The following FMNL2 variants were observed in gnomAD, a reference collection of about 807,000 sequenced individuals.
FMNL2 encodes the protein formin like 2, also known as formin-like protein 2.
A neutral mutation model predicts 130.2 loss-of-function variants in FMNL2; 51 were observed. That is an observed-to-expected ratio of 0.39 (90% CI 0.31 to 0.49). The LOEUF (loss-of-function observed/expected upper bound fraction) is 0.49, where lower values mean the gene tolerates loss of function less well. FMNL2 is among the 20% of genes least tolerant of loss of function. The pLI is 0.85. For synonymous variants in FMNL2, 465 were observed against 467.1 expected (o/e 1.00, Z 0.06); for missense variants, 977 against 1,316.2 (o/e 0.74, Z 3.99).
intron 1 of FMNL2, among the ~76,000 whole-genome samples, chr2:152,464,494 C>A (rs1403646878): frequency 6.6e-6 from 1 of 152,160 alleles, no homozygotes; most frequent in African/African-American, 2.4e-5. Flanking sequence ...TGAAATTTGT[C>A]CACTCCAGTG....
intron 1 of FMNL2, among the ~76,000 whole-genome samples, chr2:152,388,027 A>C (rs1469734106): frequency 6.6e-6 from 1 of 152,166 alleles, no homozygotes; most frequent in Non-Finnish European, 1.5e-5. Context: ...TTAGGCTAAT[A>C]TAATAAGAAT....
chr2:152,441,115 T>C (rs1283657343), intron 1 of FMNL2, among the ~76,000 whole-genome samples: 2 of 152,226 alleles, frequency 1.3e-5, no homozygotes, highest in Non-Finnish European at 1.5e-5. Flanking sequence ...ATTTTAGACT[T>C]GGAGTTGACC....
At chr2:152,519,876 T>C (rs987915544) in intron 1 of FMNL2, among the ~76,000 whole-genome samples, 1 of 152,230 alleles carries the variant, frequency 6.6e-6, no homozygotes, top group Non-Finnish European at 1.5e-5. Context: ...GGAAAAGAAC[T>C]CATTTAATTT....
intron 1 of FMNL2, among the ~76,000 whole-genome samples, chr2:152,412,443 A>ATAT (rs1462493316): frequency 2.2e-5 from 2 of 92,072 alleles, no homozygotes; most frequent in Non-Finnish European, 1.9e-5. Flanking sequence ...TCTTCTGTAT[A>ATAT]TTTTATATAT....
chr2:152,545,310 A>G (rs944486970), intron 3 of FMNL2, among the ~76,000 whole-genome samples: 6 of 152,204 alleles, frequency 3.9e-5, no homozygotes, highest in Non-Finnish European at 7.3e-5. Context: ...AATTTCAGCC[A>G]GACAGTCTAG....
rs760384643 is a variant in FMNL2 at position 152,560,894 on chromosome 2, A to G, written c.455A>G (p.Glu152Gly). Residue 152 changes from glutamate to glycine, a missense_variant, in exon 6 of 26, where the codon GAA (glutamate) becomes GGA (glycine). Physicochemically the swap from Glu to Gly is moderately conservative, Grantham distance 98 (BLOSUM62 -2). Coordinates refer to ENST00000288670, the MANE Select transcript of FMNL2 (RefSeq NM_052905.4). ...CTCTTTTGTTTTAGTTTTGACTTTG[A>G]AAGTGTGGAGAGTACTGTGGAGAGC... ...FAQYAVTFDF[E>G]SVESTVESSV... 1.2e-6 allele frequency: 2 copies of G among 1,608,168 alleles called. No individual in the cohort carries two copies. The highest frequency in any genetic ancestry group is 1.1e-5 in the South Asian group (1 of 89,944).
intron 3 of FMNL2, among the ~76,000 whole-genome samples, chr2:152,544,851 T>C (rs17327849): frequency 0.078 from 11,921 of 152,272 alleles, 580 homozygotes; most frequent in Middle Eastern, 0.17. Flanking sequence ...CCAATTTTCC[T>C]TTAGATCAGC....
At chr2:152,567,470 T>C (rs1695917656) in intron 6 of FMNL2, among the ~76,000 whole-genome samples, 1 of 152,216 alleles carries the variant, frequency 6.6e-6, no homozygotes, top group Admixed American at 6.5e-5. Flanking sequence ...TCCCTCTACC[T>C]CTCCTTTGAA....
intron 2 of FMNL2, among the ~76,000 whole-genome samples, 168 bp downstream of exon 2, chr2:152,522,194 A>T (rs901138239): frequency 7.2e-5 from 11 of 152,218 alleles, no homozygotes; most frequent in Admixed American, 6.5e-4. Context: ...GTTTGTGTGG[A>T]TCTTCTTTGG....
At chr2:152,467,721 G>A (rs899496765) in intron 1 of FMNL2, among the ~76,000 whole-genome samples, 1 of 152,212 alleles carries the variant, frequency 6.6e-6, no homozygotes, top group Non-Finnish European at 1.5e-5. Context: ...TATGTACACA[G>A]CATATGCATG....
At chr2:152,407,584 A>G (rs144827742) in intron 1 of FMNL2, among the ~76,000 whole-genome samples, 3 of 152,056 alleles carry the variant, frequency 2.0e-5, no homozygotes, top group Non-Finnish European at 2.9e-5. Flanking sequence ...AGAGGAACCT[A>G]TGTTTCTTCT....
intron 1 of FMNL2, among the ~76,000 whole-genome samples, chr2:152,372,155 G>A (rs191424438): frequency 2.2e-4 from 34 of 152,262 alleles, no homozygotes; most frequent in Non-Finnish European, 4.1e-4. Flanking sequence ...GGATTTTTCC[G>A]TTGCTAATAA....
At chr2:152,501,404 T>G (rs898702774) in intron 1 of FMNL2, among the ~76,000 whole-genome samples, 2 of 152,242 alleles carry the variant, frequency 1.3e-5, no homozygotes, top group African/African-American at 4.8e-5. Flanking sequence ...CTAAAAGACA[T>G]GTAACTTAAA....
At chr2:152,547,633 A>G (rs1694716995) in intron 3 of FMNL2, among the ~76,000 whole-genome samples, 1 of 152,134 alleles carries the variant, frequency 6.6e-6, no homozygotes, top group African/African-American at 2.4e-5. Context: ...TTCATGGGCC[A>G]CCAAGTCCCA....
At chr2:152,544,427 A>G (rs1694506979) in intron 3 of FMNL2, among the ~76,000 whole-genome samples, 1 of 152,274 alleles carries the variant, frequency 6.6e-6, no homozygotes, top group East Asian at 1.9e-4. Context: ...AAAAATAAAT[A>G]AATAAATACA....
intron 10 of FMNL2, among the ~76,000 whole-genome samples, chr2:152,609,729 A>T (rs1698579225): frequency 6.6e-6 from 1 of 152,170 alleles, no homozygotes; most frequent in African/African-American, 2.4e-5. Context: ...AATGTATACC[A>T]TATCTTCAAA....
chr2:152,389,666 G>T (rs1472493521), intron 1 of FMNL2, among the ~76,000 whole-genome samples: 1 of 152,234 alleles, frequency 6.6e-6, no homozygotes, highest in African/African-American at 2.4e-5. Flanking sequence ...ACGTGGATCC[G>T]AGCCGGCGCG....
intron 6 of FMNL2, among the ~76,000 whole-genome samples, chr2:152,562,159 C>T (rs1481323570): frequency 1.3e-5 from 2 of 152,146 alleles, no homozygotes; most frequent in African/African-American, 2.4e-5. Flanking sequence ...AAGTTTGTAA[C>T]GGTTTCTGTG....
intron 9 of FMNL2, among the ~76,000 whole-genome samples, chr2:152,587,594 T>C (rs1407309101): frequency 6.6e-6 from 1 of 152,248 alleles, no homozygotes; most frequent in African/African-American, 2.4e-5. Context: ...CAAATGATAT[T>C]GTGAGAGCCT....
Sources: gnomAD v4.1 joint callset for allele counts (sites outside exome capture counted in the v4.1 genomes callset) on GRCh38, gnomAD v4.1.1 for gene constraint, MANE v1.5 for transcripts, NCBI Gene and HGNC (gene_info 2026-07-23, HGNC 2026-07-21) for gene names.